Variants in TTC28 observed in about 807,000 individuals in gnomAD.
The protein encoded by TTC28 is tetratricopeptide repeat protein 28.
A neutral mutation model predicts 198.0 loss-of-function variants in TTC28; 61 were observed. That is an observed-to-expected ratio of 0.31 (90% confidence interval 0.25 to 0.38). The LOEUF (loss-of-function observed/expected upper bound fraction) is 0.38, where lower values mean the gene tolerates loss of function less well. Among genes scored for constraint, TTC28 ranks in the 10% least tolerant of loss-of-function variants. TTC28 has a pLI of 1.00. For missense variants in TTC28, 2,678 were observed against 3,164.0 expected (o/e 0.85, Z 3.69); for synonymous variants, 1,171 against 1,297.8 (o/e 0.90, Z 2.10).
intron 2 of TTC28, among the ~76,000 whole-genome samples, chr22:28,413,098 C>G (rs547086445): frequency 6.6e-6 from 1 of 152,248 alleles, no homozygotes; most frequent in African/African-American, 2.4e-5. Context: ...TATGAAGAAT[C>G]CAGGCATCGA....
intron 6 of TTC28, among the ~76,000 whole-genome samples, chr22:28,108,649 C>T (rs1253038012): frequency 6.6e-6 from 1 of 151,936 alleles, no homozygotes. Flanking sequence ...ACTACAAATA[C>T]ATATCTAAAA....
chr22:28,614,572 C>T (rs1408356940), intron 2 of TTC28, among the ~76,000 whole-genome samples: 1 of 152,190 alleles, frequency 6.6e-6, no homozygotes, highest in Non-Finnish European at 1.5e-5. Context: ...ACCAAAACAG[C>T]ATGGTACTGG....
intron 1 of TTC28, among the ~76,000 whole-genome samples, chr22:28,657,852 C>G (rs1296464515): frequency 1.3e-5 from 2 of 152,018 alleles, no homozygotes; most frequent in African/African-American, 4.8e-5. Flanking sequence ...GCACTCGAAC[C>G]TGGGCGGGCA....
chr22:28,353,226 T>A (rs544758527), intron 2 of TTC28, among the ~76,000 whole-genome samples: 63 of 152,316 alleles, frequency 4.1e-4, no homozygotes, highest in South Asian at 3.7e-3. Context: ...GCCTTATATG[T>A]TGCAAGCCAA....
intron 2 of TTC28, among the ~76,000 whole-genome samples, chr22:28,505,928 G>A (rs1308156166): frequency 6.6e-6 from 1 of 152,250 alleles, no homozygotes; most frequent in African/African-American, 2.4e-5. Context: ...CGTCTCCGTG[G>A]TTCAGTAGAT....
At chr22:28,241,794 G>A (rs1929674044) in intron 5 of TTC28, among the ~76,000 whole-genome samples, 1 of 152,134 alleles carries the variant, frequency 6.6e-6, no homozygotes, top group South Asian at 2.1e-4. Context: ...GGGACTTGAA[G>A]TAGTTTGGTT....
chr22:28,489,086 C>G lies in TTC28; in HGVS notation c.381+140466G>C, dbSNP rs372352729. Reference sequence around the variant, plus strand: ...AATGCTTGAAGCCAGGAGCTTGAGACCAGCCTGGGCAATAAAGCAAGACCT... The same window carrying G: ...AATGCTTGAAGCCAGGAGCTTGAGAGCAGCCTGGGCAATAAAGCAAGACCT... On this transcript the variant is annotated intron_variant, in intron 2 of 22. Transcript: ENST00000397906. Among the ~76,000 whole-genome samples the G allele has an allele frequency of 2.0e-5, 3 of 152,158 alleles. No individual in the cohort carries two copies. The South Asian group carries it at 6.2e-4, about 32-fold the overall frequency.
chr22:28,023,562 C>G (rs1938699123), intron 13 of TTC28, among the ~76,000 whole-genome samples: 6 of 152,230 alleles, frequency 3.9e-5, no homozygotes, highest in Admixed American at 3.9e-4. Context: ...TTTCCACTTT[C>G]AATTTGTGGG....
intron 2 of TTC28, among the ~76,000 whole-genome samples, chr22:28,590,959 T>C (rs962610630): frequency 1.4e-5 from 2 of 140,886 alleles, no homozygotes; most frequent in Admixed American, 7.5e-5. Context: ...TGAGCCAAGA[T>C]TGCACCACTG....
rs865917100 is a variant in TTC28 at position 28,518,068 on chromosome 22, G to C, written c.381+111484C>G. The stretch of plus-strand genomic sequence containing the variant: ...ATCTTTTTTCTGCAGTTTTTAGAGA[G>C]GGTTTTTCAAATGTTTATTAAGCAT... On this transcript the variant is annotated intron_variant, in intron 2 of 22. Coordinates refer to ENST00000397906, the MANE Select transcript of TTC28 (RefSeq NM_001145418.2). Among the ~76,000 whole-genome samples the C allele has an allele frequency of 2.6e-5, 4 of 151,932 alleles. No homozygotes were observed. The Middle Eastern group carries it at 0.014, about 520-fold the overall frequency.
chr22:27,986,237 A>T (rs568727044), intron 21 of TTC28: 2 of 152,250 alleles, frequency 1.3e-5, no homozygotes, highest in East Asian at 1.9e-4. Flanking sequence ...TGGTTGTTTG[A>T]TAAGTGTCTG....
chr22:28,342,561 G>A (rs1371741666), intron 2 of TTC28, among the ~76,000 whole-genome samples: 1 of 149,852 alleles, frequency 6.7e-6, no homozygotes, highest in African/African-American at 2.4e-5. Flanking sequence ...CAGTTATTTT[G>A]TTACATAATT....
At chr22:28,293,735 G>A (rs2145773557) in intron 5 of TTC28, among the ~76,000 whole-genome samples, 1 of 152,270 alleles carries the variant, frequency 6.6e-6, no homozygotes, top group African/African-American at 2.4e-5. Flanking sequence ...AATTTCTCAT[G>A]AAAATGAATG....
intron 1 of TTC28, 49 bp downstream of exon 1, chr22:28,679,573 C>G (rs1601690421): frequency 7.8e-7 from 1 of 1,281,760 alleles, no homozygotes; most frequent in Non-Finnish European, 1.0e-6. Flanking sequence ...CTCCCACCGC[C>G]GGAGTTTCAC....
chr22:28,137,474 C>G (rs1943225569), intron 6 of TTC28, among the ~76,000 whole-genome samples: 1 of 152,124 alleles, frequency 6.6e-6, no homozygotes, highest in African/African-American at 2.4e-5. Flanking sequence ...TAGAACGTGA[C>G]TACCATTCCT....
intron 15 of TTC28, chr22:28,001,076 A>G: frequency 3.8e-6 from 1 of 265,096 alleles, no homozygotes; most frequent in Admixed American, 4.4e-5. Context: ...CCAGGCCTCA[A>G]GCCTTGCTGT....
At chr22:28,439,190 G>A (rs1601399477) in intron 2 of TTC28, among the ~76,000 whole-genome samples, 1 of 152,200 alleles carries the variant, frequency 6.6e-6, no homozygotes, top group Non-Finnish European at 1.5e-5. Flanking sequence ...AGTTTTAAGT[G>A]TAATGAGGAG....
chr22:28,215,083 G>A (rs1367573717), intron 5 of TTC28, among the ~76,000 whole-genome samples: 2 of 152,080 alleles, frequency 1.3e-5, no homozygotes, highest in Non-Finnish European at 2.9e-5. Context: ...ACTGAACAAT[G>A]AGAACACTTG....
At chr22:28,362,437 G>T (rs1021204989) in intron 2 of TTC28, among the ~76,000 whole-genome samples, 4 of 152,064 alleles carry the variant, frequency 2.6e-5, no homozygotes, top group Non-Finnish European at 4.4e-5. Context: ...CCCAGTCTTG[G>T]GTATGTCTTT....
Sources: gnomAD v4.1 joint callset for allele counts (sites outside exome capture counted in the v4.1 genomes callset) on GRCh38, gnomAD v4.1.1 for gene constraint, MANE v1.5 for transcripts, NCBI Gene and HGNC (gene_info 2026-07-23, HGNC 2026-07-21) for gene names.